The following AOPEP variants were observed in gnomAD, a reference collection of about 807,000 sequenced individuals.
The protein encoded by AOPEP is aminopeptidase O (putative).
A neutral mutation model predicts 98.1 loss-of-function variants in AOPEP; 77 were observed. The ratio of observed to expected loss-of-function variants is 0.78; its 90% confidence interval spans 0.65 to 0.95. AOPEP has a LOEUF of 0.95. Ranked by LOEUF, AOPEP falls within the 40% of genes least tolerant of loss-of-function variation. The pLI is 0.00. For synonymous variants in AOPEP, 346 were observed against 365.3 expected (o/e 0.95, Z 0.60); for missense variants, 1,024 against 1,024.7 (o/e 1.00, Z 0.01).
chr9:94,857,206 C>G (rs1257606569), intron 5 of AOPEP, among the ~76,000 whole-genome samples: 1 of 152,222 alleles, frequency 6.6e-6, no homozygotes, highest in Non-Finnish European at 1.5e-5. Flanking sequence ...GTCAGCTCAC[C>G]TAGTTTCCTC....
intron 13 of AOPEP, among the ~76,000 whole-genome samples, chr9:95,057,457 T>G (rs1167084158): frequency 6.6e-6 from 1 of 152,260 alleles, no homozygotes; most frequent in Non-Finnish European, 1.5e-5. Context: ...CGTGGTCTCT[T>G]TCATTTGCTT....
At chr9:94,937,357 C>T (rs1369590206) in intron 7 of AOPEP, among the ~76,000 whole-genome samples, 6 of 152,358 alleles carry the variant, frequency 3.9e-5, no homozygotes, top group South Asian at 2.1e-4. Flanking sequence ...CTTTTCTCTG[C>T]GTGTGCATGT....
chr9:94,820,783 A>G (rs1266244053), intron 5 of AOPEP, among the ~76,000 whole-genome samples: 2 of 152,232 alleles, frequency 1.3e-5, no homozygotes, highest in African/African-American at 4.8e-5. Context: ...TAAAAGCAGT[A>G]GAATATCAGC....
At chr9:94,883,806 A>G (rs754743343) in intron 5 of AOPEP, among the ~76,000 whole-genome samples, 1 of 152,346 alleles carries the variant, frequency 6.6e-6, no homozygotes, top group Middle Eastern at 3.4e-3. Context: ...AATGTTAAAC[A>G]TAAGTTGAGG....
intron 5 of AOPEP, among the ~76,000 whole-genome samples, chr9:94,864,544 A>G (rs975010824): frequency 2.0e-5 from 3 of 152,148 alleles, no homozygotes; most frequent in Non-Finnish European, 4.4e-5. Flanking sequence ...AAAAGTTTAT[A>G]TCTGGGTATG....
At chr9:94,742,891 T>A (rs143870094) in intron 1 of AOPEP, among the ~76,000 whole-genome samples, 4 of 152,220 alleles carry the variant, frequency 2.6e-5, no homozygotes, top group African/African-American at 9.6e-5. Context: ...AACCGCAGAT[T>A]GTTGGAGAAG....
At chr9:95,142,160 T>C in the AOPEP span, among the ~76,000 whole-genome samples, 1 of 151,802 alleles carries the variant, frequency 6.6e-6, no homozygotes, top group Admixed American at 6.6e-5. Context: ...ACCCAGCTAA[T>C]TTTTGTATTT....
chr9:94,902,776 C>A (rs1358586579), intron 5 of AOPEP, among the ~76,000 whole-genome samples: 2 of 148,344 alleles, frequency 1.3e-5, no homozygotes, highest in East Asian at 4.0e-4. Flanking sequence ...TTTTTTTTTG[C>A]CGGGCACCGT....
intron 14 of AOPEP, among the ~76,000 whole-genome samples, chr9:95,076,297 A>G (rs2069059205): frequency 6.6e-6 from 1 of 152,216 alleles, no homozygotes; most frequent in Non-Finnish European, 1.5e-5. Context: ...CAGCCTCTCA[A>G]AGTGAAGATG....
intron 13 of AOPEP, among the ~76,000 whole-genome samples, chr9:95,011,031 GAGGTTTCACAA>G (rs1172160070): frequency 6.6e-6 from 1 of 152,084 alleles, no homozygotes; most frequent in East Asian, 1.9e-4. Context: ...CATTTTAGAT[GAGGTTTCACAA>G]AGTCTTAGCT....
At chr9:94,821,798 G>A (rs1490954774) in intron 5 of AOPEP, among the ~76,000 whole-genome samples, 1 of 152,152 alleles carries the variant, frequency 6.6e-6, no homozygotes. Context: ...ATCAATGGGA[G>A]GCAAGCAATA....
chr9:94,825,887 C>G (rs1854408107), intron 5 of AOPEP, among the ~76,000 whole-genome samples: 1 of 152,124 alleles, frequency 6.6e-6, no homozygotes, highest in African/African-American at 2.4e-5. Flanking sequence ...CTAGGAATAA[C>G]CTTTACGTTT....
At chr9:94,906,482 T>TAATAATAATAAA (rs1367536683) in intron 5 of AOPEP, among the ~76,000 whole-genome samples, 24 of 95,446 alleles carry the variant, frequency 2.5e-4, no homozygotes, top group East Asian at 2.4e-3. Flanking sequence ...ATAATAATAA[T>TAATAATAATAAA]AAAAAAACAG....
intron 13 of AOPEP, among the ~76,000 whole-genome samples, chr9:95,058,103 C>T (rs2066992474): frequency 6.6e-6 from 1 of 152,174 alleles, no homozygotes; most frequent in Non-Finnish European, 1.5e-5. Flanking sequence ...TGTAGAGTTG[C>T]TGAGCTTTCA....
intron 1 of AOPEP, among the ~76,000 whole-genome samples, chr9:94,740,078 A>G (rs1380207895): frequency 2.0e-5 from 3 of 152,178 alleles, no homozygotes; most frequent in Non-Finnish European, 2.9e-5. Context: ...ACAGGGCCAT[A>G]TGAGGAAGCA....
chr9:94,850,432 T>C (rs1285150994), intron 5 of AOPEP, among the ~76,000 whole-genome samples: 3 of 152,198 alleles, frequency 2.0e-5, no homozygotes, highest in African/African-American at 7.2e-5. Context: ...AGCCACATCA[T>C]AATGTGCACA....
At chr9:94,810,200 T>C (rs1850204579) in intron 5 of AOPEP, 1 of 153,416 alleles carries the variant, frequency 6.5e-6, no homozygotes, top group Non-Finnish European at 1.5e-5. Flanking sequence ...GCGGGGACTT[T>C]GGGCAAGTCA....
chr9:94,793,117 A>T (rs1008450012), intron 4 of AOPEP, among the ~76,000 whole-genome samples, 199 bp downstream of exon 4: 1 of 152,006 alleles, frequency 6.6e-6, no homozygotes, highest in African/African-American at 2.4e-5. Flanking sequence ...TGTAATCCCA[A>T]CACTTTGGGA....
chr9:94,839,571 T>C (rs2134751304), intron 5 of AOPEP, among the ~76,000 whole-genome samples: 1 of 152,290 alleles, frequency 6.6e-6, no homozygotes, highest in African/African-American at 2.4e-5. Flanking sequence ...ATAACTAGTA[T>C]ATAGAAATAT....
Sources: gnomAD v4.1 joint callset for allele counts (sites outside exome capture counted in the v4.1 genomes callset) on GRCh38, gnomAD v4.1.1 for gene constraint, MANE v1.5 for transcripts, NCBI Gene and HGNC (gene_info 2026-07-23, HGNC 2026-07-21) for gene names.